Variants in ANKIB1 observed in about 807,000 individuals in gnomAD.
The protein encoded by ANKIB1 is ankyrin repeat and IBR domain-containing protein 1.
Under a neutral mutation model 122.1 loss-of-function variants are expected in ANKIB1, and 43 were observed. That is an observed-to-expected ratio of 0.35 (90% CI 0.28 to 0.45). ANKIB1 has a LOEUF of 0.45. ANKIB1 is among the 20% of genes least tolerant of loss of function. The probability of loss-of-function intolerance (pLI) is 1.00; values close to 1 mark genes in which losing one functional copy is unlikely to be tolerated. For missense variants in ANKIB1, 992 were observed against 1,329.5 expected, an observed-to-expected ratio of 0.75 and a Z score of 3.95; for synonymous variants, 390 against 442.0, an observed-to-expected ratio of 0.88 and a Z score of 1.48.
chr7:92,386,505 G>A lies in ANKIB1; in HGVS notation c.1618-4G>A. 1 of 1,583,752 alleles carries A rather than the reference G, an allele frequency of 6.3e-7. No homozygotes were observed. The stretch of plus-strand genomic sequence containing the variant: ...GATGTTTTCATCTGTGTTTTCTTTT[G>A]AAGTGCAAGTATGACTTTTGCTGGA... On this transcript the variant is annotated splice_polypyrimidine_tract_variant and splice_region_variant and intron_variant, in intron 11 of 19. Coordinates refer to ENST00000265742, the MANE Select transcript of ANKIB1 (RefSeq NM_019004.2).
At chr7:92,392,852 TC>T (rs1236490277) in intron 17 of ANKIB1, among the ~76,000 whole-genome samples, 2 of 152,044 alleles carry the variant, frequency 1.3e-5, no homozygotes. Flanking sequence ...ATACAGAAGG[TC>T]TAAATTACTA....
At chr7:92,260,134 A>G (rs903965757) in intron 1 of ANKIB1, among the ~76,000 whole-genome samples, 3 of 152,060 alleles carry the variant, frequency 2.0e-5, no homozygotes, top group African/African-American at 4.8e-5. Context: ...CCTTTTACCG[A>G]GAATAAAAAG....
At chr7:92,389,377 A>G (rs4729037) in intron 14 of ANKIB1, among the ~76,000 whole-genome samples, 14,514 of 151,606 alleles carry the variant, frequency 0.096, 911 homozygotes, top group East Asian at 0.36. Context: ...CTAGACTGTT[A>G]TAATGATGTT....
intron 9 of ANKIB1, among the ~76,000 whole-genome samples, chr7:92,360,717 C>T (rs1803923344): frequency 6.6e-6 from 1 of 152,186 alleles, no homozygotes; most frequent in African/African-American, 2.4e-5. Context: ...CAAGGGTTCC[C>T]ATCTTTGCAC....
Position 92,398,176 on chromosome 7 carries a change from C to A in ANKIB1, c.2533-36C>A. The A allele has an allele frequency of 3.3e-6, 5 of 1,525,644 alleles. No individual in the cohort carries two copies. The South Asian group carries it at 5.4e-5, about 16-fold the overall frequency. The allele number at this position is 1,525,644 out of a possible 1,614,324, so 94.5% of individuals were successfully genotyped here. ...TTGAGTTAAATCAGTTTTTTTCAGT[C>A]AAATTTTAAAGTGGTTTTGCTTTCT... On this transcript the variant is annotated intron_variant, in intron 19 of 19. Coordinates refer to ENST00000265742, the MANE Select transcript of ANKIB1 (RefSeq NM_019004.2).
chr7:92,276,657 A>G (rs1407802545), intron 1 of ANKIB1, among the ~76,000 whole-genome samples: 1 of 152,270 alleles, frequency 6.6e-6, no homozygotes, highest in African/African-American at 2.4e-5. Context: ...GGTCTATCAT[A>G]GAAAGCCAGG....
At chr7:92,368,850 T>C (rs887282602) in intron 10 of ANKIB1, among the ~76,000 whole-genome samples, 3 of 152,220 alleles carry the variant, frequency 2.0e-5, no homozygotes, top group Non-Finnish European at 4.4e-5. Context: ...CTGAACATGA[T>C]TTACTTCATG....
chr7:92,269,095 T>C (rs1235082740), intron 1 of ANKIB1, among the ~76,000 whole-genome samples: 2 of 152,240 alleles, frequency 1.3e-5, no homozygotes, highest in African/African-American at 4.8e-5. Flanking sequence ...TTTCATTTTA[T>C]AATACAATTG....
intron 11 of ANKIB1, among the ~76,000 whole-genome samples, chr7:92,383,849 C>T (rs1804575011): frequency 6.6e-6 from 1 of 152,302 alleles, no homozygotes; most frequent in South Asian, 2.1e-4. Context: ...GATGCCCTCT[C>T]TCACCACTCC....
intron 1 of ANKIB1, among the ~76,000 whole-genome samples, chr7:92,280,499 T>G (rs1801994545): frequency 6.9e-6 from 1 of 145,644 alleles, no homozygotes; most frequent in Non-Finnish European, 1.5e-5. Flanking sequence ...ACTCCAGCCT[T>G]GGGAGTTGAT....
intron 2 of ANKIB1, among the ~76,000 whole-genome samples, chr7:92,300,172 G>T (rs1421946167): frequency 6.6e-6 from 1 of 152,092 alleles, no homozygotes. Flanking sequence ...TGCTGATCTG[G>T]TTCCTCCAAG....
At chr7:92,309,451 G>A (rs1008436485) in intron 3 of ANKIB1, among the ~76,000 whole-genome samples, 1 of 152,118 alleles carries the variant, frequency 6.6e-6, no homozygotes, top group African/African-American at 2.4e-5. Context: ...GAGGGTAGGG[G>A]ACTAATAGCA....
intron 10 of ANKIB1, 46 bp downstream of exon 10, chr7:92,362,319 T>C: frequency 6.6e-7 from 1 of 1,505,508 alleles, no homozygotes; most frequent in Non-Finnish European, 9.1e-7. Context: ...CCTGATAGCA[T>C]TCAAAAGATA....
chr7:92,285,816 C>T (rs879380920), intron 1 of ANKIB1, among the ~76,000 whole-genome samples: 1 of 152,206 alleles, frequency 6.6e-6, no homozygotes, highest in Non-Finnish European at 1.5e-5. Flanking sequence ...AAGCCAGACT[C>T]TTAGGGTAGG....
intron 1 of ANKIB1, among the ~76,000 whole-genome samples, chr7:92,250,499 A>G (rs576382714): frequency 9.3e-4 from 142 of 152,358 alleles, no homozygotes; most frequent in South Asian, 4.8e-3. Context: ...ATTATGGTTA[A>G]CTGTAACAGA....
At chr7:92,297,898 C>T (rs1195888193) in intron 2 of ANKIB1, among the ~76,000 whole-genome samples, 1 of 151,986 alleles carries the variant, frequency 6.6e-6, no homozygotes, top group Non-Finnish European at 1.5e-5. Flanking sequence ...GATTGACTTC[C>T]CTCTTGCTTT....
intron 1 of ANKIB1, among the ~76,000 whole-genome samples, chr7:92,261,419 GTTT>G (rs747571811): frequency 0.017 from 2,548 of 147,560 alleles, 78 homozygotes; most frequent in East Asian, 0.089. Context: ...GTTTTGTTTT[GTTT>G]TGTTTGGCAA....
chr7:92,283,911 T>C (rs1389080408), intron 1 of ANKIB1, among the ~76,000 whole-genome samples: 1 of 152,094 alleles, frequency 6.6e-6, no homozygotes, highest in Admixed American at 6.5e-5. Flanking sequence ...GCTGAGACTA[T>C]AGGCATGTGC....
Position 92,399,531 on chromosome 7 carries a change from C to T in ANKIB1, c.*582C>T, listed in dbSNP as rs1804972917. The T allele has an allele frequency of 6.6e-6, 1 of 152,124 alleles. No homozygotes were observed. Among genetic ancestry groups the T allele is most frequent in the Non-Finnish European group, 1.5e-5 (1 of 68,034 alleles). 9.4% of individuals were successfully genotyped at this position (152,124 alleles called of 1,614,324 possible). A position where few individuals can be genotyped will look rare whatever the true frequency, so the allele number is the denominator to read the frequency against. On this transcript the variant is annotated 3_prime_UTR_variant, in exon 20 of 20. Coordinates refer to ENST00000265742, the MANE Select transcript of ANKIB1 (RefSeq NM_019004.2). ...TTCACATGAATCAAAGGTTTCCTTT[C>T]ATGTCTATTTACAGTCCAATTGTGC... is the stretch of plus-strand genomic sequence containing the variant.
Sources: gnomAD v4.1 joint callset for allele counts (sites outside exome capture counted in the v4.1 genomes callset) on GRCh38, gnomAD v4.1.1 for gene constraint, MANE v1.5 for transcripts, NCBI Gene and HGNC (gene_info 2026-07-23, HGNC 2026-07-21) for gene names.